NDST3: variants seen among roughly 807,000 people sequenced by gnomAD.
NDST3 encodes the protein bifunctional heparan sulfate N-deacetylase/N-sulfotransferase 3.
A neutral mutation model predicts 96.1 loss-of-function variants in NDST3; 58 were observed. The observed-to-expected ratio is 0.60, with a 90% CI of 0.49 to 0.75. The LOEUF is 0.75. Ranked by LOEUF, NDST3 falls within the 30% of genes least tolerant of loss-of-function variation. The pLI is 0.00. For missense variants in NDST3, 788 were observed against 1,034.2 expected (o/e 0.76, Z 3.27); for synonymous variants, 333 against 359.7 (o/e 0.93, Z 0.84).
At chr4:118,249,853 T>C (rs1741560991) in intron 12 of NDST3, among the ~76,000 whole-genome samples, 2 of 152,130 alleles carry the variant, frequency 1.3e-5, no homozygotes, top group Non-Finnish European at 2.9e-5. Context: ...AATACAAATA[T>C]ATACAGTTGT....
chr4:118,225,294 T>C (rs915480475), intron 7 of NDST3, among the ~76,000 whole-genome samples: 4 of 152,332 alleles, frequency 2.6e-5, no homozygotes, highest in Middle Eastern at 3.4e-3. Context: ...TTATGTATCA[T>C]AGAATTGCAG....
At chr4:118,189,939 A>T (rs1737196798) in intron 6 of NDST3, among the ~76,000 whole-genome samples, 1 of 152,010 alleles carries the variant, frequency 6.6e-6, no homozygotes, top group African/African-American at 2.4e-5. Context: ...TATGTTTTAC[A>T]TTTTTCCCCA....
Position 118,256,449 on chromosome 4 carries a change from C to T in NDST3, c.*737C>T, listed in dbSNP as rs1186262202. ...AGCTGTTGGATGGTAAATAGAAACA[C>T]ATCAAGTACACCAAAACAGTAAATA... On this transcript the variant is annotated 3_prime_UTR_variant, in exon 14 of 14. Coordinates refer to ENST00000296499, the MANE Select transcript of NDST3 (RefSeq NM_004784.3). The T allele has an allele frequency of 6.6e-6, 1 of 152,150 alleles. No individual in the cohort carries two copies. Among genetic ancestry groups the T allele is most frequent in the African/African-American group, 2.4e-5 (1 of 41,426 alleles). The allele number at this position is 152,150 out of a possible 1,614,324, so 9.4% of individuals were successfully genotyped here. A position where few individuals can be genotyped will look rare whatever the true frequency, so the allele number is the denominator to read the frequency against.
intron 2 of NDST3, among the ~76,000 whole-genome samples, chr4:118,095,595 T>C (rs572206540): frequency 2.6e-5 from 4 of 151,792 alleles, no homozygotes; most frequent in Non-Finnish European, 4.4e-5. Flanking sequence ...AATTCACTTA[T>C]GTAAAATTAA....
At chr4:118,250,613 T>C (rs1322724906) in intron 12 of NDST3, among the ~76,000 whole-genome samples, 1 of 151,980 alleles carries the variant, frequency 6.6e-6, no homozygotes, top group East Asian at 1.9e-4. Flanking sequence ...GCCTCCTGAG[T>C]AGCTGGGATT....
At chr4:118,244,928 A>G (rs141632867) in intron 12 of NDST3, among the ~76,000 whole-genome samples, 59 of 152,316 alleles carry the variant, frequency 3.9e-4, no homozygotes, top group Middle Eastern at 3.4e-3. Context: ...TGTGTGAATG[A>G]AATAAGCAAA....
At chr4:118,069,294 T>G (rs1726849837) in intron 2 of NDST3, among the ~76,000 whole-genome samples, 1 of 152,008 alleles carries the variant, frequency 6.6e-6, no homozygotes, top group African/African-American at 2.4e-5. Flanking sequence ...GTGCTTCTAA[T>G]GAAATAGCAA....
In NDST3 at chr4:118,256,523, G is replaced by A. The variant is rs1742132329; in HGVS notation, c.*811G>A. The A allele has an allele frequency of 6.6e-6, 1 of 152,120 alleles. No homozygotes were observed. The allele number at this position is 152,120 out of a possible 1,614,324, so 9.4% of individuals were successfully genotyped here. A position where few individuals can be genotyped will look rare whatever the true frequency, so the allele number is the denominator to read the frequency against. ...ATCCTCTAAAAGGGAGAAATTGTAG[G>A]GGTCTAAAAACATATCATCGAGAAT... On this transcript the variant is annotated 3_prime_UTR_variant, in exon 14 of 14. Coordinates refer to ENST00000296499, the MANE Select transcript of NDST3 (RefSeq NM_004784.3).
intron 6 of NDST3, among the ~76,000 whole-genome samples, chr4:118,155,972 C>G (rs974368075): frequency 1.3e-5 from 2 of 152,126 alleles, no homozygotes; most frequent in African/African-American, 2.4e-5. Flanking sequence ...CCATAGCAAT[C>G]AATGACACCC....
chr4:118,034,530 T>C lies in NDST3; in HGVS notation c.-218T>C, dbSNP rs1363662476. 6.6e-6 allele frequency: 1 copy of C among 152,192 alleles called. No homozygotes were observed. The highest frequency in any genetic ancestry group is 1.5e-5 in the Non-Finnish European group (1 of 68,046). The allele number at this position is 152,192 out of a possible 1,614,324, so 9.4% of individuals were successfully genotyped here. ...GCCGATGGTAACGAGTGGTACTGTTTCCGTTTCTTTTCCATCTATTGCAAC... is the reference window on the plus strand; with the variant it reads ...GCCGATGGTAACGAGTGGTACTGTTCCCGTTTCTTTTCCATCTATTGCAAC... On this transcript the variant is annotated 5_prime_UTR_variant, in exon 1 of 14. Transcript: ENST00000296499.
At chr4:118,149,324 G>C (rs1458162512) in intron 6 of NDST3, among the ~76,000 whole-genome samples, 1 of 152,102 alleles carries the variant, frequency 6.6e-6, no homozygotes, top group Non-Finnish European at 1.5e-5. Context: ...GGATGACATT[G>C]AATCTCTAAA....
intron 4 of NDST3, among the ~76,000 whole-genome samples, chr4:118,129,656 T>C (rs902175136): frequency 4.6e-5 from 7 of 152,098 alleles, no homozygotes; most frequent in Non-Finnish European, 8.8e-5. Flanking sequence ...AGAATGTGTA[T>C]TCTGTAGCCT....
intron 6 of NDST3, among the ~76,000 whole-genome samples, chr4:118,196,795 T>C (rs1483662523): frequency 6.6e-6 from 1 of 152,032 alleles, no homozygotes; most frequent in East Asian, 1.9e-4. Flanking sequence ...AACTTTTCGA[T>C]TCATTGATCT....
At chr4:118,243,851 T>C (rs1358450611) in intron 12 of NDST3, among the ~76,000 whole-genome samples, 1 of 152,190 alleles carries the variant, frequency 6.6e-6, no homozygotes, top group African/African-American at 2.4e-5. Flanking sequence ...AAGCTTTTTA[T>C]TCATCTCCAC....
chr4:118,253,539 G>T lies in NDST3; in HGVS notation c.2440G>T (p.Glu814Ter). The change falls in exon 13 of 14, where the codon GAA (glutamate) becomes TAA (stop). Residue 814 changes from glutamate to a stop codon, truncating the protein, a stop_gained. Transcript: ENST00000296499. LOFTEE classifies it high-confidence loss of function. The part of the protein sequence containing the change: ...HKGFWCQLLE[E>*]GKTKCLGKSK... ...AGGTTTCTGGTGTCAGTTACTGGAA[G>T]AAGGTAAAACAAAATGCCTTGGAAA... 1 of 1,612,668 alleles carries T rather than the reference G, an allele frequency of 6.2e-7. No homozygotes were observed. Among genetic ancestry groups the T allele is most frequent in the Non-Finnish European group, 8.5e-7 (1 of 1,179,266 alleles).
At chr4:118,108,951 T>G (rs1313854936) in intron 3 of NDST3, among the ~76,000 whole-genome samples, 1 of 152,232 alleles carries the variant, frequency 6.6e-6, no homozygotes, top group Non-Finnish European at 1.5e-5. Context: ...TGGTTCTTAT[T>G]GTAACCTCAA....
chr4:118,071,408 C>T (rs1393351766), intron 2 of NDST3, among the ~76,000 whole-genome samples: 1 of 152,066 alleles, frequency 6.6e-6, no homozygotes, highest in East Asian at 1.9e-4. Flanking sequence ...CCTCACCCTC[C>T]TCCTACCCTC....
chr4:118,176,653 A>G (rs1736298084), intron 6 of NDST3, among the ~76,000 whole-genome samples: 1 of 152,150 alleles, frequency 6.6e-6, no homozygotes, highest in Admixed American at 6.6e-5. Context: ...AATGTTCTCA[A>G]AAACTGGTTA....
At chr4:118,114,076 G>A (rs1464939049) in intron 3 of NDST3, among the ~76,000 whole-genome samples, 1 of 151,820 alleles carries the variant, frequency 6.6e-6, no homozygotes, top group Non-Finnish European at 1.5e-5. Flanking sequence ...AACAACAACA[G>A]GGCTGACCCT....
Sources: allele counts gnomAD v4.1 joint callset (sites outside exome capture counted in the v4.1 genomes callset), GRCh38; gene constraint gnomAD v4.1.1; transcripts MANE v1.5; gene names NCBI Gene and HGNC (gene_info 2026-07-23, HGNC 2026-07-21).